The following RNF180 variants were observed in gnomAD, a reference collection of about 807,000 sequenced individuals.
The protein encoded by RNF180 is E3 ubiquitin-protein ligase RNF180.
Under a neutral mutation model 59.2 loss-of-function variants are expected in RNF180, and 38 were observed. The ratio of observed to expected loss-of-function variants is 0.64; its 90% CI spans 0.50 to 0.84. The LOEUF is 0.84. RNF180 is among the 40% of genes least tolerant of loss of function. RNF180 has a pLI of 0.00. For missense variants in RNF180, 705 were observed against 700.9 expected (o/e 1.01, Z -0.07); for synonymous variants, 262 against 240.3 (o/e 1.09, Z -0.84).
chr5:64,339,009 TAA>T (rs1205721089), intron 7 of RNF180, among the ~76,000 whole-genome samples: 2 of 152,138 alleles, frequency 1.3e-5, no homozygotes, highest in African/African-American at 4.8e-5. Context: ...AATTTCTTCC[TAA>T]GTTTATATAT....
intron 5 of RNF180, among the ~76,000 whole-genome samples, chr5:64,286,011 A>T (rs975858321): frequency 6.6e-6 from 1 of 151,386 alleles, no homozygotes; most frequent in Admixed American, 6.6e-5. Context: ...CACCTGCTCA[A>T]CCCCCCCTTC....
At chr5:64,350,872 G>T (rs559496990) in intron 7 of RNF180, among the ~76,000 whole-genome samples, 3 of 152,144 alleles carry the variant, frequency 2.0e-5, no homozygotes, top group African/African-American at 7.2e-5. Flanking sequence ...TTTTGGCTTA[G>T]GATTGACTTG....
chr5:64,166,946 A>G (rs1377284545), intron 1 of RNF180, among the ~76,000 whole-genome samples: 2 of 152,202 alleles, frequency 1.3e-5, no homozygotes, highest in African/African-American at 4.8e-5. Context: ...ACCTTTCTTA[A>G]AAAATAGAGT....
At chr5:64,333,239 G>T (rs1431861463) in intron 7 of RNF180, among the ~76,000 whole-genome samples, 1 of 151,964 alleles carries the variant, frequency 6.6e-6, no homozygotes, top group Non-Finnish European at 1.5e-5. Context: ...GTGTAGTGGC[G>T]CAATCTCAGC....
intron 5 of RNF180, among the ~76,000 whole-genome samples, chr5:64,256,183 G>T (rs1000552039): frequency 2.6e-5 from 4 of 152,094 alleles, no homozygotes; most frequent in African/African-American, 9.7e-5. Flanking sequence ...TTCTTTTGCT[G>T]TGCAGAAGCT....
chr5:64,282,278 A>G (rs949317178), intron 5 of RNF180, among the ~76,000 whole-genome samples: 3 of 151,946 alleles, frequency 2.0e-5, no homozygotes. Context: ...CATTCTTGGG[A>G]GGTTGTATGT....
At chr5:64,320,069 A>G (rs1049099375) in intron 5 of RNF180, among the ~76,000 whole-genome samples, 2 of 152,212 alleles carry the variant, frequency 1.3e-5, no homozygotes, top group South Asian at 4.1e-4. Context: ...GCCCCATCCC[A>G]GATCTACTGA....
chr5:64,174,177 T>C (rs1750105035), intron 1 of RNF180, among the ~76,000 whole-genome samples: 1 of 152,216 alleles, frequency 6.6e-6, no homozygotes, highest in Non-Finnish European at 1.5e-5. Flanking sequence ...ATTGTGTATA[T>C]ATACCACATT....
chr5:64,191,418 C>T (rs1751151167), intron 1 of RNF180, among the ~76,000 whole-genome samples: 1 of 152,246 alleles, frequency 6.6e-6, no homozygotes, highest in Admixed American at 6.5e-5. Context: ...TATTGTTTTA[C>T]TGCCCTAAAA....
Position 64,350,821 on chromosome 5 carries a change from A to G in RNF180, c.1580-18794A>G, listed in dbSNP as rs186197265. On this transcript the variant is annotated intron_variant, in intron 7 of 7. Transcript: ENST00000389100. ...GTTTTGATTACTGTAGCCTTGTAGTATAGTTTGAAGTCAGGTAGCATGATG... is the reference window on the plus strand; with the variant it reads ...GTTTTGATTACTGTAGCCTTGTAGTGTAGTTTGAAGTCAGGTAGCATGATG... 4.5e-4 allele frequency among the ~76,000 whole-genome samples: 68 copies of G among 152,188 alleles called. 1 individual carries two copies. The East Asian group carries it at 0.013, about 28-fold the overall frequency.
intron 7 of RNF180, among the ~76,000 whole-genome samples, chr5:64,335,637 T>C (rs1470647763): frequency 3.3e-5 from 5 of 152,118 alleles, no homozygotes; most frequent in Admixed American, 6.5e-5. Context: ...ATTGGTATAA[T>C]TTTTTATTCC....
chr5:64,359,204 C>T (rs1355796144), intron 7 of RNF180, among the ~76,000 whole-genome samples: 4 of 151,100 alleles, frequency 2.6e-5, no homozygotes, highest in South Asian at 4.2e-4. Context: ...CCTGAGGAAT[C>T]GCCACACTGA....
chr5:64,201,838 C>T (rs1291839527), intron 2 of RNF180, among the ~76,000 whole-genome samples: 1 of 152,150 alleles, frequency 6.6e-6, no homozygotes, highest in Non-Finnish European at 1.5e-5. Flanking sequence ...CTCCTGGGTT[C>T]AAGTGATTCT....
At chr5:64,344,761 T>A (rs1235191010) in intron 7 of RNF180, among the ~76,000 whole-genome samples, 1 of 151,956 alleles carries the variant, frequency 6.6e-6, no homozygotes, top group Non-Finnish European at 1.5e-5. Context: ...TTCACTGTTC[T>A]CATTCTCTTC....
chr5:64,299,957 C>G (rs1351292723), intron 5 of RNF180, among the ~76,000 whole-genome samples: 1 of 151,690 alleles, frequency 6.6e-6, no homozygotes, highest in African/African-American at 2.4e-5. Context: ...ATCCTTTTGT[C>G]CAGTGTATCG....
chr5:64,196,207 A>G (rs1334420032), intron 1 of RNF180, among the ~76,000 whole-genome samples: 3 of 150,352 alleles, frequency 2.0e-5, no homozygotes, highest in African/African-American at 4.9e-5. Context: ...TTTTTTTCCC[A>G]CCATTAACGC....
intron 2 of RNF180, among the ~76,000 whole-genome samples, chr5:64,210,607 T>G (rs1173201661): frequency 2.6e-5 from 4 of 152,160 alleles, no homozygotes; most frequent in Admixed American, 6.6e-5. Context: ...GTTTCTCTTC[T>G]CTTGCTAAAA....
chr5:64,193,467 T>A (rs1038909898), intron 1 of RNF180, among the ~76,000 whole-genome samples: 4 of 151,948 alleles, frequency 2.6e-5, no homozygotes, highest in Non-Finnish European at 4.4e-5. Flanking sequence ...AAGCTTTTTT[T>A]AAAAAAAATT....
chr5:64,223,208 C>T (rs1021205767), intron 5 of RNF180, among the ~76,000 whole-genome samples: 1 of 152,190 alleles, frequency 6.6e-6, no homozygotes, highest in Non-Finnish European at 1.5e-5. Flanking sequence ...GGCCCCCTTC[C>T]AGCCATATGG....
Sources: allele counts gnomAD v4.1 joint callset (sites outside exome capture counted in the v4.1 genomes callset), GRCh38; gene constraint gnomAD v4.1.1; transcripts MANE v1.5; gene names NCBI Gene and HGNC (gene_info 2026-07-23, HGNC 2026-07-21).